Variants in TRHDE observed in about 807,000 individuals in gnomAD.
TRHDE encodes thyrotropin-releasing hormone-degrading ectoenzyme.
In TRHDE, 72 loss-of-function variants were observed where a neutral mutation model predicts 125.7. That is an observed-to-expected ratio of 0.57 (90% CI 0.47 to 0.70). The LOEUF (loss-of-function observed/expected upper bound fraction) is 0.70, where lower values mean the gene tolerates loss of function less well. Ranked by LOEUF, TRHDE falls within the 30% of genes least tolerant of loss-of-function variation. TRHDE has a pLI of 0.00. For synonymous variants in TRHDE, 509 were observed against 509.1 expected (o/e 1.00, Z 0.00); for missense variants, 1,110 against 1,327.1 (o/e 0.84, Z 2.54).
intron 2 of TRHDE, among the ~76,000 whole-genome samples, chr12:72,266,238 A>G (rs1879066480): frequency 6.6e-6 from 1 of 152,070 alleles, no homozygotes; most frequent in Non-Finnish European, 1.5e-5. Context: ...ACTTTACATT[A>G]ATATTTATCT....
At chr12:72,457,564 T>A (rs766541631) in intron 3 of TRHDE, among the ~76,000 whole-genome samples, 1 of 152,160 alleles carries the variant, frequency 6.6e-6, no homozygotes, top group Non-Finnish European at 1.5e-5. Context: ...CGGCGTTTTT[T>A]TTTTCCTCAG....
chr12:72,568,546 A>T, intron 9 of TRHDE, 22 bp from the exon 10 acceptor site: 1 of 1,559,692 alleles, frequency 6.4e-7, no homozygotes, highest in Non-Finnish European at 8.8e-7. Flanking sequence ...TTTATTCTTA[A>T]AGCTTGTCTT....
chr12:72,107,739 T>C (rs2139293087), intron 2 of TRHDE, among the ~76,000 whole-genome samples: 1 of 152,256 alleles, frequency 6.6e-6, no homozygotes, highest in East Asian at 1.9e-4. Flanking sequence ...ACAGAGACTC[T>C]GCAGGACTGA....
chr12:72,120,059 CT>C lies in TRHDE; in HGVS notation n.279+14319del, dbSNP rs778190880. Reference sequence around the variant, plus strand: ...TGATAAAGTAAGGACTTTCTCTTCTCTTTTTTTTTTTTGAGACGGAGTCTTG... The same window carrying C: ...TGATAAAGTAAGGACTTTCTCTTCTCTTTTTTTTTTTGAGACGGAGTCTTG... On this transcript the variant is annotated intron_variant and non_coding_transcript_variant, in intron 2 of 4. Coordinates refer to the TRHDE transcript ENST00000548156. Among the ~76,000 whole-genome samples, 539 of 144,912 alleles carry C rather than the reference CT, an allele frequency of 3.7e-3. 2 individuals are homozygous for C. The highest frequency in any genetic ancestry group is 0.014 in the Middle Eastern group (4 of 282).
At chr12:72,559,161 A>G (rs1214360519) in intron 7 of TRHDE, among the ~76,000 whole-genome samples, 1 of 152,126 alleles carries the variant, frequency 6.6e-6, no homozygotes, top group East Asian at 1.9e-4. Context: ...CTTCTCAGTT[A>G]CTCAGTTTTC....
chr12:72,419,148 T>C (rs1379645693), intron 3 of TRHDE, among the ~76,000 whole-genome samples: 1 of 152,130 alleles, frequency 6.6e-6, no homozygotes, highest in Non-Finnish European at 1.5e-5. Flanking sequence ...AGATGGAGAC[T>C]CAAGAGTGAG....
chr12:72,183,933 TCTA>T (rs1296107678), intron 2 of TRHDE, among the ~76,000 whole-genome samples: 2 of 152,204 alleles, frequency 1.3e-5, no homozygotes, highest in Non-Finnish European at 2.9e-5. Context: ...ACTTTTAAAA[TCTA>T]CTCACTCAAA....
intron 2 of TRHDE, among the ~76,000 whole-genome samples, chr12:72,128,026 AC>A (rs1455444082): frequency 2.0e-5 from 3 of 152,022 alleles, no homozygotes; most frequent in Non-Finnish European, 4.4e-5. Flanking sequence ...AAAAAACAGA[AC>A]CCTGGAAATG....
At chr12:72,274,254 GT>G (rs1359515563) in intron 1 of TRHDE, among the ~76,000 whole-genome samples, 1 of 152,236 alleles carries the variant, frequency 6.6e-6, no homozygotes, top group African/African-American at 2.4e-5. Context: ...GGCGACTCCG[GT>G]TGTTTGTTTA....
At chr12:72,333,780 C>T (rs557831127) in intron 2 of TRHDE, among the ~76,000 whole-genome samples, 14 of 152,144 alleles carry the variant, frequency 9.2e-5, no homozygotes, top group Admixed American at 4.6e-4. Flanking sequence ...TTATTTTGAA[C>T]CTTGGTCATC....
chr12:72,482,167 G>A (rs910867810), intron 5 of TRHDE, among the ~76,000 whole-genome samples: 3 of 151,860 alleles, frequency 2.0e-5, no homozygotes, highest in African/African-American at 7.2e-5. Context: ...TGATAATATG[G>A]AATTGGTATC....
chr12:72,195,535 T>C (rs917101307), intron 2 of TRHDE, among the ~76,000 whole-genome samples: 2 of 152,144 alleles, frequency 1.3e-5, no homozygotes, highest in Admixed American at 1.3e-4. Context: ...TGTTGGCCAC[T>C]TGTATGTCTT....
At chr12:72,149,791 G>A (rs1279228332) in intron 2 of TRHDE, among the ~76,000 whole-genome samples, 1 of 151,946 alleles carries the variant, frequency 6.6e-6, no homozygotes, top group Non-Finnish European at 1.5e-5. Context: ...TGGGTGAAAA[G>A]AAATACATAA....
At chr12:72,427,809 T>C (rs1874255233) in intron 3 of TRHDE, among the ~76,000 whole-genome samples, 1 of 152,178 alleles carries the variant, frequency 6.6e-6, no homozygotes, top group South Asian at 2.1e-4. Flanking sequence ...TGGCCATATG[T>C]TCAAGATGCT....
chr12:72,132,848 A>AG (rs1220534053), intron 2 of TRHDE, among the ~76,000 whole-genome samples: 13 of 152,276 alleles, frequency 8.5e-5, no homozygotes, highest in African/African-American at 3.1e-4. Flanking sequence ...TTCAGCCTGG[A>AG]GGAGGGTGGG....
rs377695690 is a variant in TRHDE at position 72,508,111 on chromosome 12, A to C, written c.1722+8476A>C. 1.1e-4 allele frequency among the ~76,000 whole-genome samples: 16 copies of C among 152,352 alleles called. No homozygotes were observed. The East Asian group carries it at 2.3e-3, about 22-fold the overall frequency. Reference sequence around the variant, plus strand: ...GGGTGTCCAGGTGGAAATCTGCTGCAGGGGCAGAGCCCTCATAGAGAATCT... The same window carrying C: ...GGGTGTCCAGGTGGAAATCTGCTGCCGGGGCAGAGCCCTCATAGAGAATCT... On this transcript the variant is annotated intron_variant, in intron 6 of 18. Coordinates refer to ENST00000261180, the MANE Select transcript of TRHDE (RefSeq NM_013381.3).
chr12:72,524,067 A>G (rs915766071), intron 6 of TRHDE, among the ~76,000 whole-genome samples: 2 of 152,114 alleles, frequency 1.3e-5, no homozygotes, highest in Non-Finnish European at 2.9e-5. Flanking sequence ...CAGCATCCAC[A>G]CTGAAGTTGT....
At chr12:72,658,443 T>G (rs1874790832) in intron 18 of TRHDE, among the ~76,000 whole-genome samples, 1 of 152,180 alleles carries the variant, frequency 6.6e-6, no homozygotes, top group African/African-American at 2.4e-5. Context: ...TCCTTCGTTC[T>G]CTGTGCTTCT....
chr12:72,529,354 T>C (rs1306898792), intron 6 of TRHDE, among the ~76,000 whole-genome samples: 1 of 152,146 alleles, frequency 6.6e-6, no homozygotes, highest in Non-Finnish European at 1.5e-5. Flanking sequence ...TATTATTTTG[T>C]TTGATGTATT....
Sources: gnomAD v4.1 joint callset for allele counts (sites outside exome capture counted in the v4.1 genomes callset) on GRCh38, gnomAD v4.1.1 for gene constraint, MANE v1.5 for transcripts, NCBI Gene and HGNC (gene_info 2026-07-23, HGNC 2026-07-21) for gene names.